APBA2: variants seen among roughly 807,000 people sequenced by gnomAD.
The protein encoded by APBA2 is amyloid beta precursor protein binding family A member 2.
A neutral mutation model predicts 75.0 loss-of-function variants in APBA2; 30 were observed. That is an observed-to-expected ratio of 0.40 (90% CI 0.30 to 0.54). APBA2 has a LOEUF of 0.54. APBA2 is among the 20% of genes least tolerant of loss of function. The pLI, the probability that APBA2 is intolerant of heterozygous loss-of-function variation, is 0.49. For synonymous variants in APBA2, 444 were observed against 409.6 expected (o/e 1.08, Z -1.01); for missense variants, 801 against 1,016.1 (o/e 0.79, Z 2.88).
intron 10 of APBA2, among the ~76,000 whole-genome samples, chr15:29,103,496 C>T (rs1329153860): frequency 6.6e-6 from 1 of 152,242 alleles, no homozygotes; most frequent in Non-Finnish European, 1.5e-5. Context: ...GAGAGAGCCC[C>T]CTGAACCCCA....
intron 1 of APBA2, among the ~76,000 whole-genome samples, chr15:28,900,984 G>A (rs1420079956): frequency 2.6e-5 from 4 of 152,194 alleles, no homozygotes; most frequent in Non-Finnish European, 4.4e-5. Context: ...CTGGAACTCG[G>A]TAGCTGCTCC....
chr15:29,017,719 T>G (rs977941200), intron 3 of APBA2, among the ~76,000 whole-genome samples: 1 of 152,162 alleles, frequency 6.6e-6, no homozygotes, highest in African/African-American at 2.4e-5. Flanking sequence ...TCAACGACTT[T>G]AAATACCCAT....
chr15:28,905,897 G>T (rs1439620108), intron 1 of APBA2, among the ~76,000 whole-genome samples: 1 of 151,996 alleles, frequency 6.6e-6, no homozygotes, highest in Non-Finnish European at 1.5e-5. Context: ...ATAAGGGCTC[G>T]AACTTTACAG....
At position 28,948,565 on chromosome 15, in the gene APBA2, C is replaced by T. The variant is rs2035675432; in HGVS notation, c.-95+26816C>T. On this transcript the variant is annotated intron_variant, in intron 2 of 14. Coordinates refer to ENST00000683413, the MANE Select transcript of APBA2 (RefSeq NM_001353788.2). Reference sequence around the variant, plus strand: ...TTGTCCCCGCAGCTTCACTGGCTGTCAGAGCCACAGCCTTTGCTTACGGCT... The same window carrying T: ...TTGTCCCCGCAGCTTCACTGGCTGTTAGAGCCACAGCCTTTGCTTACGGCT... Among the ~76,000 whole-genome samples the T allele has an allele frequency of 5.9e-5, 9 of 152,282 alleles. No homozygotes were observed. In the South Asian group the frequency reaches 1.9e-3, roughly 32 times the overall value.
intron 2 of APBA2, among the ~76,000 whole-genome samples, chr15:28,931,407 G>A (rs1024312874): frequency 9.9e-5 from 15 of 152,276 alleles, no homozygotes; most frequent in African/African-American, 2.9e-4. Context: ...AGACTCAGAG[G>A]GAGTCTCACG....
chr15:29,116,866 C>G (rs1294644430), intron 14 of APBA2, among the ~76,000 whole-genome samples, 196 bp from the exon 15 acceptor site: 28 of 152,210 alleles, frequency 1.8e-4, no homozygotes, highest in Admixed American at 1.8e-3. Context: ...GGGTGGGGAC[C>G]TGGAGTCTCA....
rs148703900 is a variant in APBA2, at chr15:29,066,687, A to C, written c.952-8234A>C. Among the ~76,000 whole-genome samples, 1,281 of 152,332 alleles carry C rather than the reference A, an allele frequency of 8.4e-3. 8 individuals are homozygous for C. Among genetic ancestry groups the C allele is most frequent in the Middle Eastern group, 0.034 (10 of 294 alleles). On this transcript the variant is annotated intron_variant, in intron 4 of 14. Transcript: ENST00000683413. Reference sequence around the variant, plus strand: ...TAATGCCACTGAATTGTACACTTAAAAATGGTTAAGATGGTAAATTGTATG... The same window carrying C: ...TAATGCCACTGAATTGTACACTTAACAATGGTTAAGATGGTAAATTGTATG...
At chr15:29,062,132 T>C (rs1422143301) in intron 4 of APBA2, among the ~76,000 whole-genome samples, 1 of 152,004 alleles carries the variant, frequency 6.6e-6, no homozygotes, top group Non-Finnish European at 1.5e-5. Flanking sequence ...AAGGGGAAGG[T>C]CCTCTCCAGC....
rs1477747631 is a variant in APBA2, at chr15:29,076,056, C to G, written c.1034C>G (p.Thr345Arg). The change falls in exon 6 of 15, where the codon ACA becomes AGA. Residue 345 changes from threonine (T) to arginine (R), a missense_variant and splice_region_variant. Transcript: ENST00000683413. Reference sequence around the variant, plus strand: ...TTATTTTTCCATATTTCCTAACAGACAAAGAAGGTGGCATCATTTCCAAGT... The same window carrying G: ...TTATTTTTCCATATTTCCTAACAGAGAAAGAAGGTGGCATCATTTCCAAGT... ...GPVDNNNIPETKKVASFPSFV... is the reference protein window; with the variant it reads ...GPVDNNNIPERKKVASFPSFV... 4.3e-6 allele frequency: 7 copies of G among 1,613,900 alleles called. No homozygotes were observed.
At chr15:28,996,848 G>C (rs2152794893) in intron 3 of APBA2, among the ~76,000 whole-genome samples, 1 of 152,326 alleles carries the variant, frequency 6.6e-6, no homozygotes, top group Admixed American at 6.5e-5. Context: ...GCCTGACCAA[G>C]GCAAGGAACA....
intron 3 of APBA2, among the ~76,000 whole-genome samples, chr15:29,006,495 C>T (rs1216625696): frequency 2.0e-5 from 3 of 152,196 alleles, no homozygotes; most frequent in African/African-American, 7.2e-5. Context: ...AGTCCATTCT[C>T]ATGCTGCTAA....
At chr15:28,947,370 T>A (rs1031066971) in intron 2 of APBA2, among the ~76,000 whole-genome samples, 4 of 152,168 alleles carry the variant, frequency 2.6e-5, no homozygotes, top group Non-Finnish European at 2.9e-5. Context: ...GCCTGGTGTG[T>A]GTGCAGGTGG....
chr15:29,066,693 T>C (rs1468033188), intron 4 of APBA2, among the ~76,000 whole-genome samples: 1 of 152,130 alleles, frequency 6.6e-6, no homozygotes, highest in Non-Finnish European at 1.5e-5. Flanking sequence ...TTAAAAATGG[T>C]TAAGATGGTA....
chr15:29,055,831 G>A (rs1406135844), intron 4 of APBA2, among the ~76,000 whole-genome samples: 1 of 152,174 alleles, frequency 6.6e-6, no homozygotes, highest in African/African-American at 2.4e-5. Context: ...AGAACGTTAA[G>A]TGTCAGTTGA....
intron 2 of APBA2, among the ~76,000 whole-genome samples, chr15:28,932,321 G>A (rs1258383147): frequency 2.0e-5 from 3 of 152,146 alleles, no homozygotes; most frequent in Non-Finnish European, 4.4e-5. Flanking sequence ...GTAGTGCAGT[G>A]CCATGAGGTA....
chr15:28,980,391 A>G (rs561508341), intron 2 of APBA2, among the ~76,000 whole-genome samples: 4 of 152,362 alleles, frequency 2.6e-5, no homozygotes, highest in Middle Eastern at 3.4e-3. Context: ...AAGTTTCAAG[A>G]TACAACATCA....
rs751273535 is a variant in APBA2, at chr15:29,117,147, G to GGCT, written c.*16_*17insTGC. On this transcript the variant is annotated 3_prime_UTR_variant, in exon 15 of 15. Coordinates refer to ENST00000683413, the MANE Select transcript of APBA2 (RefSeq NM_001353788.2). ...CTGTACATCTAGGCCACCCCAGCCTGGCCACGCAGCCAGGACACCGGGCAG... is the reference window on the plus strand; with the variant it reads ...CTGTACATCTAGGCCACCCCAGCCTGGCTGCCACGCAGCCAGGACACCGGGCAG... 33 of 1,612,608 alleles carry GGCT rather than the reference G, an allele frequency of 2.0e-5. No individual in the cohort carries two copies. The highest frequency in any genetic ancestry group is 2.7e-5 in the African/African-American group (2 of 74,926).
intron 2 of APBA2, among the ~76,000 whole-genome samples, chr15:28,945,447 A>T (rs1323016910): frequency 6.6e-6 from 1 of 152,082 alleles, no homozygotes; most frequent in East Asian, 1.9e-4. Context: ...GTTACAAAAA[A>T]GGGAGAAGTG....
chr15:29,005,662 C>A (rs34656734), intron 3 of APBA2, among the ~76,000 whole-genome samples: 1 of 152,088 alleles, frequency 6.6e-6, no homozygotes, highest in Non-Finnish European at 1.5e-5. Context: ...GTCAGGAGTT[C>A]AAGACCATCC....
Sources: allele counts gnomAD v4.1 joint callset (sites outside exome capture counted in the v4.1 genomes callset), GRCh38; gene constraint gnomAD v4.1.1; transcripts MANE v1.5; gene names NCBI Gene and HGNC (gene_info 2026-07-23, HGNC 2026-07-21).